PNPT1: variants seen among roughly 807,000 people sequenced by gnomAD.
The protein encoded by PNPT1 is polyribonucleotide nucleotidyltransferase 1, mitochondrial.
PNPT1 carries 53 observed loss-of-function variants against 119.5 expected under a neutral mutation model. The observed-to-expected ratio is 0.44, with a 90% CI of 0.36 to 0.56. PNPT1 has a LOEUF of 0.56. Ranked by LOEUF, PNPT1 falls within the 20% of genes least tolerant of loss-of-function variation. The probability of loss-of-function intolerance (pLI) is 0.00; values close to 1 mark genes in which losing one functional copy is unlikely to be tolerated. For synonymous variants in PNPT1, 357 were observed against 322.1 expected, an observed-to-expected ratio of 1.11 and a Z score of -1.16; for missense variants, 948 against 938.5, an observed-to-expected ratio of 1.01 and a Z score of -0.13.
intron 8 of PNPT1, among the ~76,000 whole-genome samples, chr2:55,676,762 T>C (rs981042547): frequency 6.6e-6 from 1 of 151,496 alleles, no homozygotes; most frequent in Non-Finnish European, 1.5e-5. Context: ...CTCAGGAGGC[T>C]GAGTCAAGAG....
At chr2:55,647,490 T>A in intron 18 of PNPT1, 37 bp from the exon 19 acceptor site, 1 of 1,456,996 alleles carries the variant, frequency 6.9e-7, no homozygotes, top group Non-Finnish European at 9.4e-7. Flanking sequence ...GGGTAATGTG[T>A]ACATGAGCCT....
chr2:55,690,252 T>C (rs1344497377), intron 1 of PNPT1, among the ~76,000 whole-genome samples: 29 of 152,258 alleles, frequency 1.9e-4, no homozygotes. Context: ...AAGAGGTTAC[T>C]GATGTCTTGA....
At chr2:55,661,688 A>G (rs1696581541) in intron 14 of PNPT1, among the ~76,000 whole-genome samples, 2 of 152,222 alleles carry the variant, frequency 1.3e-5, no homozygotes, top group South Asian at 4.1e-4. Context: ...AGCCTGTCCT[A>G]AGAAATCATT....
In PNPT1 at chr2:55,644,717, G is replaced by C; in HGVS notation, c.1826C>G (p.Thr609Ser). 2 of 1,605,938 alleles carry C rather than the reference G, an allele frequency of 1.2e-6. No individual in the cohort carries two copies. Among genetic ancestry groups the C allele is most frequent in the Non-Finnish European group, 1.7e-6 (2 of 1,173,844 alleles). Residue 609 changes from threonine to serine, a missense_variant, in exon 23 of 28, where the codon ACT (threonine) becomes AGT (serine). Physicochemically the swap from Thr to Ser is moderately conservative, Grantham distance 58. Transcript: ENST00000447944. ...SRKENGPVVETVQVPLSKRAK... is the reference protein window; with the variant it reads ...SRKENGPVVESVQVPLSKRAK... ...TCGTTTTGATAATGGAACCTGAACA[G>C]TTTCTGGAACGTAATACAGACAAAT...
chr2:55,652,361 T>A (rs2104059519), intron 18 of PNPT1, among the ~76,000 whole-genome samples: 1 of 152,316 alleles, frequency 6.6e-6, no homozygotes, highest in Non-Finnish European at 1.5e-5. Context: ...CTTATCAAAT[T>A]TAATTTTTTT....
chr2:55,678,575 G>T (rs1460764707), intron 8 of PNPT1, among the ~76,000 whole-genome samples: 1 of 152,122 alleles, frequency 6.6e-6, no homozygotes, highest in Non-Finnish European at 1.5e-5. Flanking sequence ...AAGTTGGCCA[G>T]AGCTCTTCAT....
intron 11 of PNPT1, among the ~76,000 whole-genome samples, chr2:55,668,843 G>A (rs1355112718): frequency 1.3e-5 from 2 of 152,124 alleles, no homozygotes; most frequent in Non-Finnish European, 2.9e-5. Context: ...CAGGTGATCC[G>A]CCTGCCTTGG....
chr2:55,649,777 C>T (rs949407926), intron 18 of PNPT1, among the ~76,000 whole-genome samples: 1 of 152,198 alleles, frequency 6.6e-6, no homozygotes, highest in Admixed American at 6.5e-5. Flanking sequence ...ATTACATGTC[C>T]TATTCCTAGA....
At chr2:55,684,567 G>A (rs963858803) in intron 4 of PNPT1, among the ~76,000 whole-genome samples, 1 of 152,212 alleles carries the variant, frequency 6.6e-6, no homozygotes, top group Non-Finnish European at 1.5e-5. Context: ...TTCAGTAGCT[G>A]ATGAACATAA....
At position 55,645,404 on chromosome 2, in the gene PNPT1, C is replaced by G; in HGVS notation, c.1767G>C (p.Met589Ile). The stretch of plus-strand genomic sequence containing the variant: ...CTCGAGGTTTTGAAATAGTTTTGTT[C>G]ATGATCTGTAATATCTCCTTTTTTG... The part of the protein sequence containing the change: ...SVAKKEILQI[M>I]NKTISKPRAS... Residue 589 changes from methionine to isoleucine, a missense_variant, in exon 22 of 28, where the codon ATG becomes ATC. Transcript: ENST00000447944. 6.2e-7 allele frequency: 1 copy of G among 1,611,640 alleles called. No homozygotes were observed. Among genetic ancestry groups the G allele is most frequent in the South Asian group, 1.1e-5 (1 of 90,980 alleles).
At chr2:55,690,150 G>A (rs1697545153) in intron 1 of PNPT1, among the ~76,000 whole-genome samples, 1 of 152,158 alleles carries the variant, frequency 6.6e-6, no homozygotes, top group South Asian at 2.1e-4. Context: ...TAACTGTATG[G>A]TATGTGAATT....
At chr2:55,675,746 G>T (rs183674849) in intron 8 of PNPT1, among the ~76,000 whole-genome samples, 4 of 152,112 alleles carry the variant, frequency 2.6e-5, no homozygotes, top group Non-Finnish European at 5.9e-5. Context: ...AGTCTACAGA[G>T]CTGTGCTGTC....
At chr2:55,636,454 T>A in intron 27 of PNPT1, 62 bp from the exon 28 acceptor site, 1 of 1,526,726 alleles carries the variant, frequency 6.5e-7, no homozygotes, top group South Asian at 1.2e-5. Flanking sequence ...TCTAAACTAA[T>A]AGACATTTAA....
At position 55,642,605 on chromosome 2, in the gene PNPT1, CAAAAA is replaced by C. The variant is rs559417017; in HGVS notation, c.2069+548_2069+552del. 1.8e-4 allele frequency among the ~76,000 whole-genome samples: 8 copies of C among 44,214 alleles called. No individual in the cohort carries two copies. The East Asian group carries it at 5.7e-3, about 32-fold the overall frequency. The allele number at this position is 44,214 out of a possible 152,430, so 29.0% of individuals were successfully genotyped here. On this transcript the variant is annotated intron_variant, in intron 25 of 27. Transcript: ENST00000447944. ...TGGGTGACAGAGCGAGACTCTGTCCCAAAAAAAAAAAAAAAAAAAAAAAAGAATTC... is the reference window on the plus strand; with the variant it reads ...TGGGTGACAGAGCGAGACTCTGTCCCAAAAAAAAAAAAAAAAAAAGAATTC...
At chr2:55,656,454 CTT>C in intron 15 of PNPT1, 83 bp from the exon 16 acceptor site, 1 of 1,224,204 alleles carries the variant, frequency 8.2e-7, no homozygotes, top group Admixed American at 2.6e-5. Context: ...AATAAAACAA[CTT>C]ATAGAACAGT....
intron 18 of PNPT1, among the ~76,000 whole-genome samples, chr2:55,654,420 G>A (rs1696319525): frequency 6.6e-6 from 1 of 152,190 alleles, no homozygotes; most frequent in South Asian, 2.1e-4. Context: ...AAAGATTACA[G>A]TTGCTTTCTC....
At position 55,645,427 on chromosome 2, in the gene PNPT1, T is replaced by C; in HGVS notation, c.1744A>G (p.Lys582Glu). Residue 582 changes from lysine (K) to glutamate (E), a missense_variant, in exon 22 of 28, where the codon AAA (lysine) becomes GAA (glutamate). Transcript: ENST00000447944. ...TTCATGATCTGTAATATCTCCTTTT[T>C]TGCCACTAGAAGAGAAAAACACAAA... ...MEAIQQASVA[K>E]KEILQIMNKT... The C allele has an allele frequency of 6.2e-7, 1 of 1,606,968 alleles. No homozygotes were observed. Among genetic ancestry groups the C allele is most frequent in the Non-Finnish European group, 8.5e-7 (1 of 1,174,958 alleles).
At chr2:55,681,879 C>T (rs1043547668) in intron 5 of PNPT1, among the ~76,000 whole-genome samples, 1 of 148,432 alleles carries the variant, frequency 6.7e-6, no homozygotes, top group South Asian at 2.1e-4. Context: ...CGGTGGCTCA[C>T]GCCTGTAATC....
intron 23 of PNPT1, among the ~76,000 whole-genome samples, chr2:55,644,108 G>A (rs1446068711): frequency 6.6e-6 from 1 of 152,058 alleles, no homozygotes; most frequent in Non-Finnish European, 1.5e-5. Flanking sequence ...TCTTACGAGG[G>A]GTGAATAAAT....
Sources: gnomAD v4.1 joint callset for allele counts (sites outside exome capture counted in the v4.1 genomes callset) on GRCh38, gnomAD v4.1.1 for gene constraint, MANE v1.5 for transcripts, NCBI Gene and HGNC (gene_info 2026-07-23, HGNC 2026-07-21) for gene names.